The following ATP6V0A1 variants were observed in gnomAD, a reference collection of about 807,000 sequenced individuals.
The protein encoded by ATP6V0A1 is V-type proton ATPase 116 kDa subunit a 1.
Under a neutral mutation model 105.4 loss-of-function variants are expected in ATP6V0A1, and 43 were observed. The ratio of observed to expected loss-of-function variants is 0.41; its 90% CI spans 0.32 to 0.53. The LOEUF (loss-of-function observed/expected upper bound fraction) is 0.53, where lower values mean the gene tolerates loss of function less well. ATP6V0A1 is among the 20% of genes least tolerant of loss of function. The pLI, the probability that ATP6V0A1 is intolerant of heterozygous loss-of-function variation, is 0.30. For missense variants in ATP6V0A1, 676 were observed against 1,051.1 expected, an observed-to-expected ratio of 0.64 and a Z score of 4.93; for synonymous variants, 362 against 372.8, an observed-to-expected ratio of 0.97 and a Z score of 0.33.
chr17:42,509,100 C>T (rs532831151), intron 19 of ATP6V0A1, among the ~76,000 whole-genome samples: 58 of 152,056 alleles, frequency 3.8e-4, no homozygotes, highest in Non-Finnish European at 1.0e-4. Flanking sequence ...GGACCCTTCT[C>T]GGGGTCAGCT....
At chr17:42,489,441 G>C (rs563847253) in intron 10 of ATP6V0A1, among the ~76,000 whole-genome samples, 18 of 152,130 alleles carry the variant, frequency 1.2e-4, no homozygotes, top group African/African-American at 4.3e-4. Context: ...GGAGTGAAGA[G>C]ATTCTGTAGG....
intron 5 of ATP6V0A1, among the ~76,000 whole-genome samples, chr17:42,475,003 T>A (rs1185042509): frequency 6.6e-6 from 1 of 152,214 alleles, no homozygotes; most frequent in Non-Finnish European, 1.5e-5. Context: ...CTGGAGAGAT[T>A]TCTCTGCATC....
intron 9 of ATP6V0A1, among the ~76,000 whole-genome samples, chr17:42,484,046 G>A (rs928222925): frequency 4.6e-5 from 7 of 151,614 alleles, no homozygotes; most frequent in African/African-American, 1.7e-4. Context: ...TTTGTTTTTT[G>A]TTTTTTGTTT....
chr17:42,474,972 G>A (rs1433328816), intron 5 of ATP6V0A1, among the ~76,000 whole-genome samples: 1 of 152,164 alleles, frequency 6.6e-6, no homozygotes, highest in African/African-American at 2.4e-5. Flanking sequence ...AAGTCTTCTT[G>A]CTTATGAAGA....
chr17:42,477,265 T>C (rs1255452623), intron 5 of ATP6V0A1, among the ~76,000 whole-genome samples: 7 of 152,222 alleles, frequency 4.6e-5, no homozygotes, highest in Admixed American at 1.3e-4. Flanking sequence ...AGAAGAGATA[T>C]TTTAGCTTCC....
chr17:42,468,878 A>G (rs958971701), intron 4 of ATP6V0A1, among the ~76,000 whole-genome samples: 2 of 151,712 alleles, frequency 1.3e-5, no homozygotes, highest in East Asian at 1.9e-4. Context: ...TTTGAGACAT[A>G]GCTATCACCT....
At chr17:42,475,127 T>C (rs113850622) in intron 5 of ATP6V0A1, among the ~76,000 whole-genome samples, 5,547 of 152,324 alleles carry the variant, frequency 0.036, 144 homozygotes, top group Non-Finnish European at 0.056. Flanking sequence ...TCCATCTGCT[T>C]TCTTTATTTT....
chr17:42,496,691 A>G (rs1214439665), intron 14 of ATP6V0A1: 1 of 152,186 alleles, frequency 6.6e-6, no homozygotes, highest in Non-Finnish European at 1.5e-5. Context: ...AAATACAGAA[A>G]TTAGCTGGGC....
chr17:42,471,116 C>T (rs1044569203), intron 5 of ATP6V0A1: 1 of 141,896 alleles, frequency 7.0e-6, no homozygotes, highest in Non-Finnish European at 1.5e-5. Flanking sequence ...GAGTGAGACT[C>T]TATCTCAAAA....
intron 9 of ATP6V0A1, 79 bp from the exon 10 acceptor site, chr17:42,487,076 A>C (rs2090176810): frequency 1.5e-6 from 2 of 1,351,644 alleles, no homozygotes; most frequent in Non-Finnish European, 2.1e-6. Context: ...TCAGAAAGCT[A>C]TGCCTCTTTG....
intron 11 of ATP6V0A1, among the ~76,000 whole-genome samples, chr17:42,492,873 C>T (rs2090792283): frequency 6.6e-6 from 1 of 151,988 alleles, no homozygotes; most frequent in African/African-American, 2.4e-5. Context: ...AGAAAATTAG[C>T]CAGGCCTGGT....
At chr17:42,502,961 G>A (rs1425600442) in intron 17 of ATP6V0A1, 2 of 152,398 alleles carry the variant, frequency 1.3e-5, no homozygotes, top group Non-Finnish European at 2.9e-5. Flanking sequence ...TGAGAGCATG[G>A]GACATGTGTA....
chr17:42,510,260 T>C (rs1319483815), intron 19 of ATP6V0A1: 1 of 152,254 alleles, frequency 6.6e-6, no homozygotes, highest in Non-Finnish European at 1.5e-5. Flanking sequence ...TCACCCTCCG[T>C]GTTGTCCAGC....
At chr17:42,488,613 G>C (rs1419212269) in intron 10 of ATP6V0A1, among the ~76,000 whole-genome samples, 1 of 152,138 alleles carries the variant, frequency 6.6e-6, no homozygotes, top group Non-Finnish European at 1.5e-5. Flanking sequence ...TGGGACTACA[G>C]GTGCCCACCA....
intron 14 of ATP6V0A1, chr17:42,495,969 G>C (rs1475817047): frequency 3.2e-6 from 1 of 316,174 alleles, no homozygotes; most frequent in Non-Finnish European, 5.9e-6. Context: ...CTACCCGGGA[G>C]ACTGAGGCAG....
chr17:42,482,056 G>A (rs1295438522), intron 8 of ATP6V0A1, among the ~76,000 whole-genome samples: 1 of 152,152 alleles, frequency 6.6e-6, no homozygotes, highest in East Asian at 1.9e-4. Flanking sequence ...TGGCCAGGCT[G>A]ATCTCGAACT....
At chr17:42,500,217 C>T (rs1364685299) in intron 15 of ATP6V0A1, among the ~76,000 whole-genome samples, 1 of 151,814 alleles carries the variant, frequency 6.6e-6, no homozygotes, top group Non-Finnish European at 1.5e-5. Context: ...CAATGGCTCA[C>T]ATCTGTCATC....
In ATP6V0A1 at chr17:42,478,574, G is replaced by T. The variant is rs2089066809; in HGVS notation, c.618G>T (p.Leu206=). ...GACAGGCTGAAATCGAGAACCCCCT[G>T]GAGGATCCTGTGACTGTAAGACAAG... ...FLRQAEIENP[L]EDPVTGDYVH... The change falls in exon 7 of 22, where the codon CTG becomes CTT. Residue 206 remains leucine (L), a synonymous_variant. Transcript: ENST00000343619. 1 of 1,588,840 alleles carries T rather than the reference G, an allele frequency of 6.3e-7. No individual in the cohort carries two copies. The highest frequency in any genetic ancestry group is 8.6e-7 in the Non-Finnish European group (1 of 1,164,684).
chr17:42,506,905 G>C (rs2092063567), intron 17 of ATP6V0A1, among the ~76,000 whole-genome samples: 1 of 152,166 alleles, frequency 6.6e-6, no homozygotes, highest in Non-Finnish European at 1.5e-5. Flanking sequence ...AAGAAAAGGA[G>C]CCCCTACTCA....
Sources: allele counts gnomAD v4.1 joint callset (sites outside exome capture counted in the v4.1 genomes callset), GRCh38; gene constraint gnomAD v4.1.1; transcripts MANE v1.5; gene names NCBI Gene and HGNC (gene_info 2026-07-23, HGNC 2026-07-21).